Variants in MAN2C1 observed in about 807,000 individuals in gnomAD.
The protein encoded by MAN2C1 is mannosidase alpha class 2C member 1.
Under a neutral mutation model 126.9 loss-of-function variants are expected in MAN2C1, and 111 were observed. That is an observed-to-expected ratio of 0.87 (90% CI 0.75 to 1.02). The LOEUF is 1.02. Among genes scored for constraint, MAN2C1 ranks in the 50% least tolerant of loss-of-function variants. MAN2C1 has a pLI of 0.00. For missense variants in MAN2C1, 1,363 were observed against 1,364.4 expected (o/e 1.00, Z 0.02); for synonymous variants, 567 against 561.5 (o/e 1.01, Z -0.14).
Position 75,356,361 on chromosome 15 carries a change from G to A in MAN2C1, c.2826C>T (p.Ala942=), listed in dbSNP as rs5745936. ...LALPAPSPAP[A]TSWSAFSVSS... ...ACACGGAAAACGCACTCCAGGAGGTGGCGGGCGCTGGGCTGGGGGCTGGCA... is the reference window on the plus strand; with the variant it reads ...ACACGGAAAACGCACTCCAGGAGGTAGCGGGCGCTGGGCTGGGGGCTGGCA... Residue 942 remains alanine, a synonymous_variant, in exon 24 of 26, where the codon GCC becomes GCT. Transcript: ENST00000267978. The surrounding 1 kb of genome is among the most constrained non-coding windows in gnomAD (Gnocchi z 5.8). 7.3e-5 allele frequency: 118 copies of A among 1,612,034 alleles called. No homozygotes were observed. In the African/African-American group the frequency reaches 1.2e-3, roughly 17 times the overall value.
chr15:75,368,431 G>A, intron 1 of MAN2C1, 52 bp downstream of exon 1: 4 of 1,517,096 alleles, frequency 2.6e-6, no homozygotes, highest in Non-Finnish European at 3.6e-6. Context: ...CGGAAGGAAA[G>A]CTTGAGGCGC....
chr15:75,359,012 G>A (rs2072407346), intron 18 of MAN2C1, 47 bp downstream of exon 18: 4 of 1,608,086 alleles, frequency 2.5e-6, no homozygotes, highest in East Asian at 2.2e-5. Context: ...GAAATGGCCT[G>A]GGGTCTACTT....
chr15:75,367,249 T>G (rs1290169923), intron 3 of MAN2C1, among the ~76,000 whole-genome samples: 1 of 152,088 alleles, frequency 6.6e-6, no homozygotes, highest in Non-Finnish European at 1.5e-5. Flanking sequence ...AGCTGGGGAA[T>G]GGGATGGGTG....
chr15:75,359,951 C>T lies in MAN2C1; in HGVS notation c.1744G>A (p.Gly582Arg), dbSNP rs888643161. The T allele has an allele frequency of 1.2e-6, 2 of 1,613,630 alleles. No homozygotes were observed. The highest frequency in any genetic ancestry group is 1.3e-5 in the African/African-American group (1 of 74,934). The change falls in exon 15 of 26, where the codon GGA becomes AGA. Residue 582 changes from glycine (G) to arginine (R), a missense_variant. Coordinates refer to ENST00000267978, the MANE Select transcript of MAN2C1 (RefSeq NM_006715.4). ...TCTGCCACCATCTGGATGCAGCTTC[C>T]AGTCACCACATCATGGAACTGGTTC... Reference protein sequence around the residue: ...LLNQFHDVVTGSCIQMVAEEA... With the variant: ...LLNQFHDVVTRSCIQMVAEEA...
At chr15:75,360,744 T>G in intron 12 of MAN2C1, 56 bp from the exon 13 acceptor site, 1 of 1,593,452 alleles carries the variant, frequency 6.3e-7, no homozygotes, top group Non-Finnish European at 8.5e-7. Context: ...GGCTCACCCT[T>G]CTTCCACACC....
Position 75,368,055 on chromosome 15 carries a change from C to T in MAN2C1, c.227+18G>A, listed in dbSNP as rs1458332896. On this transcript the variant is annotated intron_variant, in intron 2 of 25. Coordinates refer to ENST00000267978, the MANE Select transcript of MAN2C1 (RefSeq NM_006715.4). Reference sequence around the variant, plus strand: ...CCCCTAGGCCTGTGGCCCCGCCCACCCGCTGGGCGTTACCTACGTGGGTCC... The same window carrying T: ...CCCCTAGGCCTGTGGCCCCGCCCACTCGCTGGGCGTTACCTACGTGGGTCC... 2.5e-6 allele frequency: 4 copies of T among 1,596,650 alleles called. No homozygotes were observed. Among genetic ancestry groups the T allele is most frequent in the African/African-American group, 1.3e-5 (1 of 74,792 alleles).
At chr15:75,359,844 G>T in intron 15 of MAN2C1, 59 bp downstream of exon 15, 2 of 1,611,028 alleles carry the variant, frequency 1.2e-6, no homozygotes, top group East Asian at 4.5e-5. Flanking sequence ...TCCCACAGGG[G>T]ACACTCTGGG....
rs1350794342 is a variant in MAN2C1 at position 75,367,582 on chromosome 15, C to A, written c.280G>T (p.Gly94Cys). 1.2e-6 allele frequency: 2 copies of A among 1,614,072 alleles called. No homozygotes were observed. The highest frequency in any genetic ancestry group is 2.7e-5 in the African/African-American group (2 of 74,928). ...VELTIPEAWV[G>C]QEVHLCWESD... ...TCCCAGCAAAGGTGAACTTCCTGGCCCACCCATGCCTCTGGGATGGTCAGC... is the reference window on the plus strand; with the variant it reads ...TCCCAGCAAAGGTGAACTTCCTGGCACACCCATGCCTCTGGGATGGTCAGC... The change falls in exon 3 of 26, where the codon GGC becomes TGC. Residue 94 changes from glycine to cysteine, a missense_variant. Gly to Cys is a radical substitution (Grantham distance 159). This residue lies in a region of MAN2C1 where 628 missense variants were observed against 609.8 expected (regional missense o/e 1.03). Transcript: ENST00000267978.
rs774156105 is a variant in MAN2C1, at chr15:75,356,680, C to T, written c.2663G>A (p.Arg888Gln). 7.3e-5 allele frequency: 117 copies of T among 1,594,700 alleles called. No individual in the cohort carries two copies. The highest frequency in any genetic ancestry group is 1.7e-4 in the Middle Eastern group (1 of 5,856). Residue 888 changes from arginine (R) to glutamine (Q), a missense_variant, in exon 23 of 26, where the codon CGG becomes CAG. Arg to Gln is a conservative substitution (Grantham distance 43, BLOSUM62 1). Around this residue, in one of 3 missense-constraint regions of MAN2C1, gnomAD observed 668 missense variants for 650.1 expected, o/e 1.03. Coordinates refer to ENST00000267978, the MANE Select transcript of MAN2C1 (RefSeq NM_006715.4). This position sits in a 1 kb window ranked among gnomAD's most constrained non-coding sequence, Gnocchi z 5.8. ...AGTAGCGTCCGGGGCTTTAGGCGCCCGCAAGCTGGGGTGAGGAGGGCGCGT... is the reference window on the plus strand; with the variant it reads ...AGTAGCGTCCGGGGCTTTAGGCGCCTGCAAGCTGGGGTGAGGAGGGCGCGT... ...RGSILSLSLL[R>Q]APKAPDATAD... is the part of the protein sequence containing the mutation.
intron 13 of MAN2C1, 46 bp from the exon 14 acceptor site, chr15:75,360,257 C>G: frequency 6.3e-7 from 1 of 1,596,034 alleles, no homozygotes; most frequent in South Asian, 1.1e-5. Flanking sequence ...CTTAGCTGTC[C>G]CAGGACACCT....
Position 75,356,326 on chromosome 15 carries a change from G to T in MAN2C1, c.2861C>A (p.Ala954Glu), listed in dbSNP as rs779206038. 33 of 1,612,010 alleles carry T rather than the reference G, an allele frequency of 2.0e-5. No individual in the cohort carries two copies. Among genetic ancestry groups the T allele is most frequent in the African/African-American group, 1.6e-4 (12 of 74,710 alleles). ...SWSAFSVSSP[A>E]VVLETVKQAE... Reference sequence around the variant, plus strand: ...CTGCTTGACGGTCTCCAATACGACCGCGGGTGAAGACACGGAAAACGCACT... The same window carrying T: ...CTGCTTGACGGTCTCCAATACGACCTCGGGTGAAGACACGGAAAACGCACT... The change falls in exon 24 of 26, where the codon GCG becomes GAG. Residue 954 changes from alanine (A) to glutamate (E), a missense_variant. Ala to Glu is a moderately radical substitution (Grantham distance 107). Around this residue, in one of 3 missense-constraint regions of MAN2C1, gnomAD observed 668 missense variants for 650.1 expected, o/e 1.03. Coordinates refer to ENST00000267978, the MANE Select transcript of MAN2C1 (RefSeq NM_006715.4). The surrounding 1 kb of genome is among the most constrained non-coding windows in gnomAD (Gnocchi z 5.8).
intron 4 of MAN2C1, among the ~76,000 whole-genome samples, chr15:75,365,153 T>A (rs1195278057): frequency 6.6e-6 from 1 of 152,190 alleles, no homozygotes; most frequent in African/African-American, 2.4e-5. Context: ...CTGACTCCAC[T>A]TCGCTGCTAA....
rs778070097 is a variant in MAN2C1, at chr15:75,359,415, T to C, written c.1959A>G (p.Thr653=). 3.7e-6 allele frequency: 6 copies of C among 1,611,006 alleles called. No individual in the cohort carries two copies. The Admixed American group carries it at 6.7e-5, about 18-fold the overall frequency. ...CAGGAGCATAGCCCATGCTGGGCAC[T>C]GTCACCAGGGCTGGGGGTGAGGCCT... ...PGGAHSLALV[T]VPSMGYAPVP... is the part of the protein sequence containing the mutation. The change falls in exon 17 of 26, where the codon ACA becomes ACG. Residue 653 remains threonine (T), a synonymous_variant. Transcript: ENST00000267978.
chr15:75,358,820 T>C lies in MAN2C1; in HGVS notation c.2142-12A>G. On this transcript the variant is annotated splice_polypyrimidine_tract_variant and intron_variant, in intron 18 of 25. Coordinates refer to ENST00000267978, the MANE Select transcript of MAN2C1 (RefSeq NM_006715.4). ...CAGCAATGGCCTCCCTGGAAGGACA[T>C]GGGATTGGTGCTGTACAACCAACTG... 6.2e-7 allele frequency: 1 copy of C among 1,604,414 alleles called. No individual in the cohort carries two copies. Among genetic ancestry groups the C allele is most frequent in the Non-Finnish European group, 8.5e-7 (1 of 1,172,382 alleles).
At position 75,361,426 on chromosome 15, in the gene MAN2C1, G is replaced by A. The variant is rs757505988; in HGVS notation, c.1219-45C>T. The A allele has an allele frequency of 2.8e-5, 41 of 1,475,276 alleles. No individual in the cohort carries two copies. Among genetic ancestry groups the A allele is most frequent in the Non-Finnish European group, 3.4e-5 (36 of 1,067,772 alleles). 91.4% of individuals were successfully genotyped at this position (1,475,276 alleles called of 1,614,324 possible). A position where few individuals can be genotyped will look rare whatever the true frequency, so the allele number is the denominator to read the frequency against. On this transcript the variant is annotated intron_variant, in intron 10 of 25. Coordinates refer to ENST00000267978, the MANE Select transcript of MAN2C1 (RefSeq NM_006715.4). The surrounding 1 kb of genome is among the most constrained non-coding windows in gnomAD (Gnocchi z 5.0). ...AGCAGGGCAGAGAGGCCAGAGTCAG[G>A]GCTGAGGCAGAGCCAGGCCTTCCAG...
At chr15:75,357,626 T>A (rs1435127297) in intron 21 of MAN2C1, 1 of 144,788 alleles carries the variant, frequency 6.9e-6, no homozygotes, top group African/African-American at 2.6e-5. Context: ...TATTTTTTTT[T>A]TTTTTTTTTT....
intron 6 of MAN2C1, 146 bp downstream of exon 6, chr15:75,363,853 C>T (rs772971341): frequency 1.2e-6 from 1 of 829,564 alleles, no homozygotes; most frequent in Non-Finnish European, 1.9e-6. Context: ...CACAGTCCAG[C>T]CCCCCGGCCC....
Position 75,360,178 on chromosome 15 carries a change from G to A in MAN2C1, c.1618C>T (p.Leu540=), listed in dbSNP as rs1198929647. The stretch of plus-strand genomic sequence containing the variant: ...CTACTGAGCAGCTCCACGTCGTGCA[G>A]GATCCGCTCACATTCCCGGTTCCCC... ...KKGNRECERI[L]HDVELLSSLA... The change falls in exon 14 of 26, where the codon CTG becomes TTG. Residue 540 remains leucine (L), a synonymous_variant. Coordinates refer to ENST00000267978, the MANE Select transcript of MAN2C1 (RefSeq NM_006715.4). The A allele has an allele frequency of 1.9e-6, 3 of 1,612,548 alleles. No individual in the cohort carries two copies. In the East Asian group the frequency reaches 6.7e-5, roughly 36 times the overall value.
rs200831415 is a variant in MAN2C1 at position 75,356,340 on chromosome 15, G to C, written c.2847C>G (p.Ser949=). The C allele has an allele frequency of 6.2e-7, 1 of 1,612,394 alleles. No homozygotes were observed. The highest frequency in any genetic ancestry group is 2.2e-5 in the East Asian group (1 of 44,804). Residue 949 remains serine, a synonymous_variant, in exon 24 of 26, where the codon TCC becomes TCG. Transcript: ENST00000267978. This position sits in a 1 kb window ranked among gnomAD's most constrained non-coding sequence, Gnocchi z 5.8. The part of the protein sequence containing the change: ...PAPATSWSAF[S]VSSPAVVLET... ...CCAATACGACCGCGGGTGAAGACACGGAAAACGCACTCCAGGAGGTGGCGG... is the reference window on the plus strand; with the variant it reads ...CCAATACGACCGCGGGTGAAGACACCGAAAACGCACTCCAGGAGGTGGCGG...
Sources: allele counts gnomAD v4.1 joint callset (sites outside exome capture counted in the v4.1 genomes callset), GRCh38; gene constraint gnomAD v4.1.1; regional missense constraint gnomAD v4.1.1; non-coding constraint Gnocchi (gnomAD v3.1); transcripts MANE v1.5; gene names NCBI Gene and HGNC (gene_info 2026-07-23, HGNC 2026-07-21).